Variants in MYH9 observed in about 807,000 individuals in gnomAD.
MYH9 encodes the protein myosin heavy chain 9, also known as myosin-9.
MYH9 carries 29 observed loss-of-function variants against 241.9 expected under a neutral mutation model. That is an observed-to-expected ratio of 0.12 (90% CI 0.09 to 0.16). The LOEUF (loss-of-function observed/expected upper bound fraction) is 0.16, where lower values mean the gene tolerates loss of function less well. Among genes scored for constraint, MYH9 ranks in the 10% least tolerant of loss-of-function variants. MYH9 has a pLI of 1.00. For synonymous variants in MYH9, 1,047 were observed against 1,062.6 expected (o/e 0.99, Z 0.29); for missense variants, 1,803 against 2,595.5 (o/e 0.69, Z 6.63).
chr22:36,291,903 A>C, intron 31 of MYH9, 83 bp downstream of exon 31: 1 of 1,604,230 alleles, frequency 6.2e-7, no homozygotes, highest in Non-Finnish European at 8.5e-7. Flanking sequence ...GAGGGAGCCC[A>C]GGCTTTCTCT....
At chr22:36,321,728 G>A (rs189826975) in intron 7 of MYH9, 30 bp downstream of exon 7, 1 of 1,603,840 alleles carries the variant, frequency 6.2e-7, no homozygotes, top group South Asian at 1.1e-5. Context: ...CCGGATCCAG[G>A]ACTCTTATCC....
intron 34 of MYH9, 88 bp from the exon 35 acceptor site, chr22:36,286,934 T>C (rs1039677597): frequency 3.2e-6 from 5 of 1,577,072 alleles, no homozygotes; most frequent in East Asian, 2.2e-5. Context: ...ACAGGGCTCA[T>C]GGCTGGTGCT....
intron 12 of MYH9, among the ~76,000 whole-genome samples, chr22:36,314,977 C>A (rs770388788): frequency 6.6e-6 from 1 of 151,944 alleles, no homozygotes; most frequent in Non-Finnish European, 1.5e-5. Flanking sequence ...AGAGATGGGG[C>A]CTTGCTTTGT....
At position 36,281,508 on chromosome 22, in the gene MYH9, A is replaced by T. The variant is rs2016487780; in HGVS notation, c.*1160T>A. ...CATGATTTGAGAGTTTGTTTCCTTT[A>T]AAAAAAAAAAATGCCTTCTTGCCGT... is the stretch of plus-strand genomic sequence containing the variant. On this transcript the variant is annotated 3_prime_UTR_variant, in exon 41 of 41. Coordinates refer to ENST00000216181, the MANE Select transcript of MYH9 (RefSeq NM_002473.6). The T allele has an allele frequency of 2.7e-5, 3 of 112,618 alleles. No individual in the cohort carries two copies. The highest frequency in any genetic ancestry group is 1.4e-4 in the East Asian group (1 of 7,214). 7.0% of individuals were successfully genotyped at this position (112,618 alleles called of 1,614,324 possible).
chr22:36,288,317 C>CCAGGTCCTT lies in MYH9; in HGVS notation c.4858_4866dup (p.Lys1620_Leu1622dup). 1 of 1,614,138 alleles carries CCAGGTCCTT rather than the reference C, an allele frequency of 6.2e-7. No homozygotes were observed. The highest frequency in any genetic ancestry group is 8.5e-7 in the Non-Finnish European group (1 of 1,180,028). On this transcript the variant is annotated inframe_insertion, in exon 34 of 41. Coordinates refer to ENST00000216181, the MANE Select transcript of MYH9 (RefSeq NM_002473.6). The surrounding 1 kb of genome is among the most constrained non-coding windows in gnomAD (Gnocchi z 4.8). ...TTGTTGGCCGAGTCGATGTGCGCCT[C>CCAGGTCCTT]CAGGTCCTTCAGGTCCATCTCCAGC...
At chr22:36,352,349 G>A (rs1189264602) in intron 1 of MYH9, among the ~76,000 whole-genome samples, 1 of 152,186 alleles carries the variant, frequency 6.6e-6, no homozygotes, top group Non-Finnish European at 1.5e-5. Context: ...TTACTCCCTC[G>A]GCCCGCTACT....
In MYH9 at chr22:36,341,522, T is replaced by A; in HGVS notation, c.338A>T (p.Tyr113Phe). The A allele has an allele frequency of 1.2e-6, 2 of 1,614,022 alleles. No homozygotes were observed. The highest frequency in any genetic ancestry group is 1.7e-6 in the Non-Finnish European group (2 of 1,179,990). The change falls in exon 3 of 41, where the codon TAT (tyrosine) becomes TTT (phenylalanine). Residue 113 changes from tyrosine to phenylalanine, a missense_variant. Around this residue, in one of 11 missense-constraint regions of MYH9, gnomAD observed 72 missense variants for 134.3 expected, o/e 0.54. Coordinates refer to ENST00000216181, the MANE Select transcript of MYH9 (RefSeq NM_002473.6). ...GATGACCACACAGAACAGGCCTGAA[T>A]AGGTCTAAAGAAAAGAGCGGCAGAT... Reference protein sequence around the residue: ...ERYYSGLIYTYSGLFCVVINP... With the variant: ...ERYYSGLIYTFSGLFCVVINP...
At chr22:36,370,937 C>A (rs955188736) in intron 1 of MYH9, among the ~76,000 whole-genome samples, 1 of 152,206 alleles carries the variant, frequency 6.6e-6, no homozygotes, top group Non-Finnish European at 1.5e-5. Flanking sequence ...GAGAGCATTT[C>A]ATACTTTAGC....
chr22:36,377,627 T>C lies in MYH9; in HGVS notation c.-20+10180A>G, dbSNP rs746091611. On this transcript the variant is annotated intron_variant, in intron 1 of 40. Coordinates refer to ENST00000216181, the MANE Select transcript of MYH9 (RefSeq NM_002473.6). Reference sequence around the variant, plus strand: ...ATACGAAATCTCTAAAACTTGAACCTGGCCGGGTGCGGTGGCTCACGCCTG... The same window carrying C: ...ATACGAAATCTCTAAAACTTGAACCCGGCCGGGTGCGGTGGCTCACGCCTG... 3.3e-5 allele frequency among the ~76,000 whole-genome samples: 5 copies of C among 152,236 alleles called. No homozygotes were observed. The South Asian group carries it at 1.0e-3, about 32-fold the overall frequency.
At chr22:36,318,405 GAATA>G in intron 10 of MYH9, 80 bp from the exon 11 acceptor site, 2 of 1,130,700 alleles carry the variant, frequency 1.8e-6, no homozygotes, top group Non-Finnish European at 2.7e-6. Flanking sequence ...AGACCCAAGA[GAATA>G]AGTCCCTCTG....
At chr22:36,297,236 C>T (rs1323083000) in intron 24 of MYH9, 2 of 587,212 alleles carry the variant, frequency 3.4e-6, no homozygotes, top group Admixed American at 6.0e-5. Flanking sequence ...CTTGTCCTTC[C>T]CTGCCAGGAA....
chr22:36,288,378 C>G lies in MYH9; in HGVS notation c.4806G>C (p.Arg1602Ser), dbSNP rs1235479005. The G allele has an allele frequency of 1.2e-6, 2 of 1,612,990 alleles. No individual in the cohort carries two copies. The highest frequency in any genetic ancestry group is 2.7e-5 in the African/African-American group (2 of 74,920). Residue 1602 changes from arginine to serine, a missense_variant, in exon 34 of 41, where the codon AGG (arginine) becomes AGC (serine). Arg to Ser is a moderately radical substitution (Grantham distance 110). Around this residue, in one of 11 missense-constraint regions of MYH9, gnomAD observed 876 missense variants for 1,077.8 expected, o/e 0.81. Transcript: ENST00000216181. This position sits in a 1 kb window ranked among gnomAD's most constrained non-coding sequence, Gnocchi z 4.8. ...CGGCCACTGCCATCGAGCGCTGCTT[C>G]CTCTCGTCCTCCAGCTCTGCCTCCA... is the stretch of plus-strand genomic sequence containing the variant. The part of the protein sequence containing the change: ...REMEAELEDE[R>S]KQRSMAVAAR...
chr22:36,309,891 G>T (rs924441816), intron 14 of MYH9, among the ~76,000 whole-genome samples: 18 of 151,136 alleles, frequency 1.2e-4, no homozygotes, highest in Non-Finnish European at 1.2e-4. Flanking sequence ...TTTTTAATTG[G>T]GCAGCCTCCT....
chr22:36,309,764 T>C (rs1045133217), intron 14 of MYH9, among the ~76,000 whole-genome samples: 1 of 152,280 alleles, frequency 6.6e-6, no homozygotes, highest in Non-Finnish European at 1.5e-5. Flanking sequence ...ACTATTTCTT[T>C]TTAGTCATAA....
chr22:36,351,208 G>A (rs1172462831), intron 1 of MYH9, among the ~76,000 whole-genome samples: 5 of 152,182 alleles, frequency 3.3e-5, no homozygotes, highest in African/African-American at 1.2e-4. Flanking sequence ...GCTCCCTTTC[G>A]CCAGGAGGGA....
chr22:36,319,633 G>A lies in MYH9; in HGVS notation c.1015C>T (p.Leu339=). 6.2e-7 allele frequency: 1 copy of A among 1,614,104 alleles called. No individual in the cohort carries two copies. The highest frequency in any genetic ancestry group is 1.1e-5 in the South Asian group (1 of 91,068). The stretch of plus-strand genomic sequence containing the variant: ...AGAACCCCTGAGATGACCCGCAGCA[G>A]GCCTTTGGGTGCAATCAGAGGCAGC... ...MGIPEEEQMG[L]LRVISGVLQL... is the part of the protein sequence containing the mutation. Residue 339 remains leucine (L), a splice_region_variant and synonymous_variant, in exon 10 of 41, where the codon CTG becomes TTG. Coordinates refer to ENST00000216181, the MANE Select transcript of MYH9 (RefSeq NM_002473.6).
In MYH9 at chr22:36,330,163, C is replaced by T. The variant is rs886518703; in HGVS notation, c.491-2675G>A. 2.6e-5 allele frequency among the ~76,000 whole-genome samples: 4 copies of T among 152,236 alleles called. No individual in the cohort carries two copies. The highest frequency in any genetic ancestry group is 7.2e-5 in the African/African-American group (3 of 41,460). The stretch of plus-strand genomic sequence containing the variant: ...GCTCTCCCACTTCTCCAGCCTTCCC[C>T]GTCCAATTCCTGAAGCCAATTTACC... On this transcript the variant is annotated intron_variant, in intron 3 of 40. Coordinates refer to ENST00000216181, the MANE Select transcript of MYH9 (RefSeq NM_002473.6). This position sits in a 1 kb window ranked among gnomAD's most constrained non-coding sequence, Gnocchi z 4.5.
At chr22:36,289,021 C>G in intron 32 of MYH9, 64 bp downstream of exon 32, 1 of 1,612,460 alleles carries the variant, frequency 6.2e-7, no homozygotes, top group Non-Finnish European at 8.5e-7. Context: ...GTGCACACAC[C>G]GACCCTCTGT....
At chr22:36,322,591 A>C in intron 5 of MYH9, 70 bp from the exon 6 acceptor site, 1 of 1,472,396 alleles carries the variant, frequency 6.8e-7, no homozygotes, top group South Asian at 1.1e-5. Flanking sequence ...CCTGCCTGGA[A>C]GGGGGACGAT....
Sources: gnomAD v4.1 joint callset for allele counts (sites outside exome capture counted in the v4.1 genomes callset) on GRCh38, gnomAD v4.1.1 for gene constraint, gnomAD v4.1.1 regional missense constraint, Gnocchi (gnomAD v3.1) non-coding constraint, MANE v1.5 for transcripts, NCBI Gene and HGNC (gene_info 2026-07-23, HGNC 2026-07-21) for gene names.